Variants in ATP1A4 observed in about 807,000 individuals in gnomAD.
ATP1A4 encodes the protein ATPase Na+/K+ transporting subunit alpha 4.
ATP1A4 carries 90 observed loss-of-function variants against 114.3 expected under a neutral mutation model. The observed-to-expected ratio is 0.79, with a 90% confidence interval of 0.66 to 0.94. The LOEUF is 0.94. Among genes scored for constraint, ATP1A4 ranks in the 40% least tolerant of loss-of-function variants. The pLI is 0.00. For synonymous variants in ATP1A4, 511 were observed against 494.1 expected, an observed-to-expected ratio of 1.03 and a Z score of -0.45; for missense variants, 1,222 against 1,313.6, an observed-to-expected ratio of 0.93 and a Z score of 1.08.
intron 21 of ATP1A4, 100 bp downstream of exon 21, chr1:160,186,467 C>T (rs913863821): frequency 9.0e-7 from 1 of 1,113,198 alleles, no homozygotes; most frequent in Non-Finnish European, 1.3e-6. Context: ...CTGACTTTCT[C>T]CCCTCCTCGC....
chr1:160,161,239 C>A (rs1166906737), intron 6 of ATP1A4, among the ~76,000 whole-genome samples: 1 of 152,184 alleles, frequency 6.6e-6, no homozygotes, highest in African/African-American at 2.4e-5. Context: ...AGACTTTTAA[C>A]CTTTGCCTTA....
At chr1:160,182,389 C>T (rs770690940) in intron 20 of ATP1A4, among the ~76,000 whole-genome samples, 3 of 152,210 alleles carry the variant, frequency 2.0e-5, no homozygotes, top group Non-Finnish European at 4.4e-5. Flanking sequence ...TTAGCTAATT[C>T]TGTTGTACTT....
rs150078418 is a variant in ATP1A4, at chr1:160,174,594, G to A, written c.2158G>A (p.Val720Met). 1.3e-4 allele frequency: 202 copies of A among 1,613,892 alleles called. No individual in the cohort carries two copies. Among genetic ancestry groups the A allele is most frequent in the Non-Finnish European group, 1.6e-4 (188 of 1,179,798 alleles). ...ACTTCCTCAGGGAGCCGTTGTGGCC[G>A]TGACAGGTGACGGGGTGAACGACTC... The part of the protein sequence containing the change: ...GCQRLGAVVA[V>M]TGDGVNDSPA... The change falls in exon 15 of 22, where the codon GTG becomes ATG. Residue 720 changes from valine to methionine, a missense_variant. Transcript: ENST00000368081.
intron 4 of ATP1A4, among the ~76,000 whole-genome samples, chr1:160,156,483 G>C (rs565457266): frequency 6.6e-6 from 1 of 151,770 alleles, no homozygotes; most frequent in Non-Finnish European, 1.5e-5. Context: ...GGTGCGGTGG[G>C]GGGTGGCTGG....
At chr1:160,177,358 A>G (rs1408664) in intron 17 of ATP1A4, 161 bp from the exon 18 acceptor site, 210,650 of 622,820 alleles carry the variant, frequency 0.34, 39,605 homozygotes, top group African/African-American at 0.63. Context: ...GATGAGAGAT[A>G]ACAGGCTTAG....
intron 18 of ATP1A4, among the ~76,000 whole-genome samples, chr1:160,178,042 A>C (rs1034380911): frequency 6.6e-6 from 1 of 151,870 alleles, no homozygotes; most frequent in African/African-American, 2.4e-5. Context: ...CTCTCCCTCC[A>C]TGAGAGTTCA....
intron 6 of ATP1A4, among the ~76,000 whole-genome samples, chr1:160,161,367 C>G (rs1652857836): frequency 1.3e-5 from 2 of 152,174 alleles, no homozygotes; most frequent in East Asian, 3.9e-4. Context: ...CATGCATCTT[C>G]AAGGGAGCCC....
intron 18 of ATP1A4, among the ~76,000 whole-genome samples, chr1:160,179,393 T>A (rs1218685299): frequency 1.3e-5 from 2 of 152,190 alleles, no homozygotes; most frequent in African/African-American, 4.8e-5. Context: ...GACAATAAAT[T>A]AAAGGTAATT....
intron 12 of ATP1A4, among the ~76,000 whole-genome samples, chr1:160,171,989 C>T (rs1193363680): frequency 2.6e-5 from 4 of 151,906 alleles, no homozygotes; most frequent in Non-Finnish European, 5.9e-5. Flanking sequence ...TAGGACACAC[C>T]CCAGACCGAT....
chr1:160,154,604 T>C (rs1025557747), intron 2 of ATP1A4, among the ~76,000 whole-genome samples: 29 of 152,174 alleles, frequency 1.9e-4, no homozygotes, highest in Admixed American at 6.5e-4. Flanking sequence ...CTAGATCTTA[T>C]TCCCTCTAAG....
chr1:160,186,939 G>A lies in ATP1A4; in HGVS notation c.*240G>A, dbSNP rs112941210. On this transcript the variant is annotated 3_prime_UTR_variant, in exon 22 of 22. Coordinates refer to ENST00000368081, the MANE Select transcript of ATP1A4 (RefSeq NM_144699.4). ...GAGGGGCATGGTCCTGCTGAATCCC[G>A]TAGCCAGTCTAGACAGTAAATGTCT... 1.8e-4 allele frequency: 104 copies of A among 573,906 alleles called. No homozygotes were observed. The highest frequency in any genetic ancestry group is 1.7e-3 in the African/African-American group (93 of 53,424). 35.6% of individuals were successfully genotyped at this position (573,906 alleles called of 1,614,324 possible).
At chr1:160,185,803 C>T (rs1446253185) in intron 20 of ATP1A4, among the ~76,000 whole-genome samples, 2 of 151,466 alleles carry the variant, frequency 1.3e-5, no homozygotes, top group Admixed American at 6.6e-5. Flanking sequence ...CCTGTAGTCC[C>T]AGCTACTCAG....
intron 1 of ATP1A4, 22 bp downstream of exon 1, chr1:160,152,209 G>T (rs372349795): frequency 4.6e-5 from 74 of 1,608,812 alleles, no homozygotes; most frequent in Non-Finnish European, 5.5e-5. Context: ...CAAAGTGGGC[G>T]CTGACAGCTG....
At chr1:160,173,882 A>T (rs531833793) in intron 13 of ATP1A4, among the ~76,000 whole-genome samples, 165 bp downstream of exon 13, 4 of 152,310 alleles carry the variant, frequency 2.6e-5, no homozygotes, top group African/African-American at 9.6e-5. Flanking sequence ...TGAATATGTC[A>T]GTGGGTTTTC....
At chr1:160,154,973 T>C in intron 2 of ATP1A4, 72 bp from the exon 3 acceptor site, 1 of 1,441,818 alleles carries the variant, frequency 6.9e-7, no homozygotes, top group African/African-American at 1.4e-5. Context: ...GCTCCAAATG[T>C]CAGGTTCCCT....
Position 160,166,702 on chromosome 1 carries a change from G to A in ATP1A4, c.1222G>A (p.Ala408Thr). The A allele has an allele frequency of 6.2e-7, 1 of 1,614,196 alleles. No homozygotes were observed. The highest frequency in any genetic ancestry group is 8.5e-7 in the Non-Finnish European group (1 of 1,180,042). The change falls in exon 8 of 22, where the codon GCC becomes ACC. Residue 408 changes from alanine to threonine, a missense_variant. Ala to Thr is a moderately conservative substitution (Grantham distance 58). Transcript: ENST00000368081. ...GTGGTTTGATATGACCGTGTATGAG[G>A]CCGACACCACTGAAGAACAGACTGG... ...HMWFDMTVYE[A>T]DTTEEQTGKT...
chr1:160,180,777 T>C (rs10908766), intron 18 of ATP1A4, among the ~76,000 whole-genome samples: 83,650 of 141,014 alleles, frequency 0.59, 26,111 homozygotes, highest in East Asian at 0.88. Flanking sequence ...TGCAGTGGCA[T>C]GATCTCGGCT....
intron 15 of ATP1A4, among the ~76,000 whole-genome samples, chr1:160,175,046 A>G (rs934141097): frequency 6.6e-6 from 1 of 152,168 alleles, no homozygotes; most frequent in Non-Finnish European, 1.5e-5. Context: ...CTGGACTTCA[A>G]GTAGGCCCAC....
intron 14 of ATP1A4, 75 bp downstream of exon 14, chr1:160,174,336 G>T (rs532960302): frequency 1.3e-6 from 2 of 1,592,372 alleles, no homozygotes; most frequent in African/African-American, 1.3e-5. Flanking sequence ...CCAAGCAGAG[G>T]AACATGTGGG....
Sources: allele counts gnomAD v4.1 joint callset (sites outside exome capture counted in the v4.1 genomes callset), GRCh38; gene constraint gnomAD v4.1.1; transcripts MANE v1.5; gene names NCBI Gene and HGNC (gene_info 2026-07-23, HGNC 2026-07-21).